The following PIAS2 variants were observed in gnomAD, a reference collection of about 807,000 sequenced individuals.
PIAS2 encodes the protein E3 SUMO-protein ligase PIAS2.
In PIAS2, 19 loss-of-function variants were observed where a neutral mutation model predicts 69.7. That is an observed-to-expected ratio of 0.27 (90% CI 0.19 to 0.40). The LOEUF (loss-of-function observed/expected upper bound fraction) is 0.40. PIAS2 is among the 10% of genes least tolerant of loss of function. The pLI is 1.00. For synonymous variants in PIAS2, 261 were observed against 263.2 expected (o/e 0.99, Z 0.08); for missense variants, 624 against 757.0 (o/e 0.82, Z 2.06).
chr18:46,817,153 C>T, intron 12 of PIAS2: 2 of 957,774 alleles, frequency 2.1e-6, no homozygotes, highest in African/African-American at 1.8e-5. Context: ...TAGCTTCTAC[C>T]TTTTTATAGT....
rs139644913 is a variant in PIAS2 at position 46,893,899 on chromosome 18, G to T, written c.25-2845C>A. On this transcript the variant is annotated intron_variant, in intron 1 of 13. Coordinates refer to ENST00000585916, the MANE Select transcript of PIAS2 (RefSeq NM_004671.5). Reference sequence around the variant, plus strand: ...CTCAGCACTCTGGGAGGCAAGGCGGGTGGATCATTTGAGGTCAGGAGTTCA... The same window carrying T: ...CTCAGCACTCTGGGAGGCAAGGCGGTTGGATCATTTGAGGTCAGGAGTTCA... Among the ~76,000 whole-genome samples the T allele has an allele frequency of 1.6e-4, 24 of 152,298 alleles. No individual in the cohort carries two copies. In the East Asian group the frequency reaches 3.5e-3, roughly 22 times the overall value.
At chr18:46,868,083 T>C (rs962407469) in intron 2 of PIAS2, among the ~76,000 whole-genome samples, 3 of 152,164 alleles carry the variant, frequency 2.0e-5, no homozygotes, top group Non-Finnish European at 4.4e-5. Flanking sequence ...TCTGGCCAAG[T>C]GCACCTCAAG....
intron 8 of PIAS2, 114 bp downstream of exon 8, chr18:46,843,940 A>C (rs927346806): frequency 5.0e-6 from 3 of 600,676 alleles, no homozygotes; most frequent in Non-Finnish European, 8.7e-6. Context: ...ATGGGAAAAG[A>C]CAAAAGTTCA....
Position 46,917,429 on chromosome 18 carries a change from C to T in PIAS2, c.-84G>A. On this transcript the variant is annotated 5_prime_UTR_variant, in exon 1 of 14. Transcript: ENST00000585916. ...ACGACGCTGCCGCCACCACGGCCGC[C>T]GCCGCCTCCAGCACCATCCTGCACT... The T allele has an allele frequency of 7.3e-7, 1 of 1,364,266 alleles. No homozygotes were observed. The highest frequency in any genetic ancestry group is 1.6e-5 in the African/African-American group (1 of 64,436). The allele number at this position is 1,364,266 out of a possible 1,614,324, so 84.5% of individuals were successfully genotyped here.
chr18:46,884,228 T>A (rs1160363297), intron 2 of PIAS2, among the ~76,000 whole-genome samples: 1 of 152,166 alleles, frequency 6.6e-6, no homozygotes, highest in Non-Finnish European at 1.5e-5. Flanking sequence ...TTAACATGTT[T>A]TATATACATA....
At chr18:46,848,799 G>A (rs1265148907) in intron 5 of PIAS2, among the ~76,000 whole-genome samples, 4 of 148,708 alleles carry the variant, frequency 2.7e-5, no homozygotes, top group Non-Finnish European at 4.4e-5. Flanking sequence ...GAGAGAGAGA[G>A]AGTAGGAAGG....
At chr18:46,815,244 CATTTTTAGTT>C in intron 13 of PIAS2, 58 bp downstream of exon 13, 1 of 1,296,912 alleles carries the variant, frequency 7.7e-7, no homozygotes, top group Non-Finnish European at 1.1e-6. Flanking sequence ...TGCAACTGGT[CATTTTTAGTT>C]AGTATGACAT....
chr18:46,873,516 A>G (rs1048176560), intron 2 of PIAS2, among the ~76,000 whole-genome samples: 2 of 152,194 alleles, frequency 1.3e-5, no homozygotes, highest in Non-Finnish European at 2.9e-5. Context: ...ATTGCCCAAT[A>G]ATTGGTTGGC....
At chr18:46,892,336 T>C (rs1394626192) in intron 1 of PIAS2, among the ~76,000 whole-genome samples, 1 of 152,226 alleles carries the variant, frequency 6.6e-6, no homozygotes, top group Non-Finnish European at 1.5e-5. Flanking sequence ...CTTTGTGTAC[T>C]ATATATGTCT....
intron 8 of PIAS2, among the ~76,000 whole-genome samples, chr18:46,842,563 T>C (rs1360059353): frequency 6.6e-6 from 1 of 152,188 alleles, no homozygotes; most frequent in Non-Finnish European, 1.5e-5. Context: ...TTGCTGAATA[T>C]ACTAGGGATA....
intron 12 of PIAS2, 53 bp from the exon 13 acceptor site, chr18:46,815,402 T>A: frequency 6.2e-7 from 1 of 1,607,736 alleles, no homozygotes; most frequent in Non-Finnish European, 8.5e-7. Flanking sequence ...GAGACCAGAA[T>A]TATTTCCCTA....
chr18:46,872,636 C>T (rs746461697), intron 2 of PIAS2, among the ~76,000 whole-genome samples: 10 of 152,150 alleles, frequency 6.6e-5, no homozygotes, highest in Non-Finnish European at 1.0e-4. Context: ...ATCTGTGGAA[C>T]CCAAGGTTAA....
intron 2 of PIAS2, among the ~76,000 whole-genome samples, chr18:46,885,334 T>C (rs371831508): frequency 1.8e-3 from 266 of 151,864 alleles, no homozygotes; most frequent in East Asian, 1.9e-3. Context: ...CTGGCCAACA[T>C]AGTGAAACCC....
Position 46,828,084 on chromosome 18 carries a change from C to T in PIAS2, c.1383G>A (p.Glu461=), listed in dbSNP as rs762408603. The stretch of plus-strand genomic sequence containing the variant: ...TAACATCTACTTTCTTCTTGCTTGC[C>T]TCACTGGCTACAGTCACTGAACAAG... The part of the protein sequence containing the change: ...SKPCSVTVAS[E]ASKKKVDVID... Residue 461 remains glutamate, a synonymous_variant, in exon 11 of 14, where the codon GAG becomes GAA. Coordinates refer to ENST00000585916, the MANE Select transcript of PIAS2 (RefSeq NM_004671.5). 1 of 1,613,690 alleles carries T rather than the reference C, an allele frequency of 6.2e-7. No homozygotes were observed. Among genetic ancestry groups the T allele is most frequent in the South Asian group, 1.1e-5 (1 of 91,010 alleles).
In PIAS2 at chr18:46,804,419, G is replaced by C. The variant is rs754239506; in HGVS notation, c.*8014C>G. On this transcript the variant is annotated 3_prime_UTR_variant, in exon 14 of 14. Transcript: ENST00000585916. ...CTGCATGACCCTGGGCAAGTAAGTCGCTTATCCTGTCAGAATCTGTTTCCA... is the reference window on the plus strand; with the variant it reads ...CTGCATGACCCTGGGCAAGTAAGTCCCTTATCCTGTCAGAATCTGTTTCCA... 3 of 152,160 alleles carry C rather than the reference G, an allele frequency of 2.0e-5. No individual in the cohort carries two copies. Among genetic ancestry groups the C allele is most frequent in the Non-Finnish European group, 4.4e-5 (3 of 68,024 alleles). 9.4% of individuals were successfully genotyped at this position (152,160 alleles called of 1,614,324 possible).
In PIAS2 at chr18:46,807,256, T is replaced by C. The variant is rs914659135; in HGVS notation, c.*5177A>G. On this transcript the variant is annotated 3_prime_UTR_variant, in exon 14 of 14. Coordinates refer to ENST00000585916, the MANE Select transcript of PIAS2 (RefSeq NM_004671.5). ...ACTTTTGAACTAAAGATGGAAAACG[T>C]AGTCTGACAAAGAATATTTGTGCAA... 6.7e-6 allele frequency: 1 copy of C among 148,550 alleles called. No individual in the cohort carries two copies. The highest frequency in any genetic ancestry group is 1.5e-5 in the Non-Finnish European group (1 of 67,372). The allele number at this position is 148,550 out of a possible 1,614,324, so 9.2% of individuals were successfully genotyped here.
Position 46,894,757 on chromosome 18 carries a change from T to G in PIAS2, c.25-3703A>C, listed in dbSNP as rs1303164365. 6.6e-5 allele frequency among the ~76,000 whole-genome samples: 10 copies of G among 152,048 alleles called. No individual in the cohort carries two copies. In the East Asian group the frequency reaches 1.7e-3, roughly 26 times the overall value. Reference sequence around the variant, plus strand: ...TACAAAGATGAAGGCAAGCTGAAGGTGCTACCTCATTAGGTAGAAAATACC... The same window carrying G: ...TACAAAGATGAAGGCAAGCTGAAGGGGCTACCTCATTAGGTAGAAAATACC... On this transcript the variant is annotated intron_variant, in intron 1 of 13. Coordinates refer to ENST00000585916, the MANE Select transcript of PIAS2 (RefSeq NM_004671.5).
At chr18:46,904,814 T>G (rs930713285) in intron 1 of PIAS2, among the ~76,000 whole-genome samples, 1 of 150,666 alleles carries the variant, frequency 6.6e-6, no homozygotes, top group Non-Finnish European at 1.5e-5. Flanking sequence ...GGTCTCAAAC[T>G]CTTGGGCTCA....
chr18:46,883,818 T>A (rs1274151334), intron 2 of PIAS2, among the ~76,000 whole-genome samples: 10 of 152,060 alleles, frequency 6.6e-5, no homozygotes, highest in Non-Finnish European at 1.0e-4. Flanking sequence ...CCTGGGCAAT[T>A]AAGTGACCCT....
Sources: gnomAD v4.1 joint callset for allele counts (sites outside exome capture counted in the v4.1 genomes callset) on GRCh38, gnomAD v4.1.1 for gene constraint, MANE v1.5 for transcripts, NCBI Gene and HGNC (gene_info 2026-07-23, HGNC 2026-07-21) for gene names.